Variants in MYO1D observed in about 807,000 individuals in gnomAD.
The protein encoded by MYO1D is unconventional myosin-Id.
In MYO1D, 83 loss-of-function variants were observed where a neutral mutation model predicts 122.0. The observed-to-expected ratio is 0.68, with a 90% CI of 0.57 to 0.82. The LOEUF is 0.82. Among genes scored for constraint, MYO1D ranks in the 40% least tolerant of loss-of-function variants. The probability of loss-of-function intolerance (pLI) is 0.00; values close to 1 mark genes in which losing one functional copy is unlikely to be tolerated. For synonymous variants in MYO1D, 464 were observed against 446.9 expected (o/e 1.04, Z -0.48); for missense variants, 1,157 against 1,269.5 (o/e 0.91, Z 1.35).
intron 1 of MYO1D, among the ~76,000 whole-genome samples, chr17:32,868,260 G>A (rs921885534): frequency 6.6e-6 from 1 of 152,134 alleles, no homozygotes; most frequent in Non-Finnish European, 1.5e-5. Flanking sequence ...ACCACCATAG[G>A]TATTTGACAC....
chr17:32,744,689 CT>C (rs2089812418), intron 13 of MYO1D, among the ~76,000 whole-genome samples: 1 of 152,202 alleles, frequency 6.6e-6, no homozygotes, highest in Non-Finnish European at 1.5e-5. Context: ...TGGATTTAAA[CT>C]TGTTATCATT....
At chr17:32,589,142 A>G (rs1161427497) in intron 21 of MYO1D, among the ~76,000 whole-genome samples, 3 of 152,238 alleles carry the variant, frequency 2.0e-5, no homozygotes, top group Non-Finnish European at 2.9e-5. Flanking sequence ...TTTAGGTCAC[A>G]CAAAATCAAC....
intron 1 of MYO1D, among the ~76,000 whole-genome samples, chr17:32,837,341 T>C (rs1365960153): frequency 6.7e-6 from 1 of 148,694 alleles, no homozygotes; most frequent in African/African-American, 2.5e-5. Flanking sequence ...TTGTCAAATC[T>C]TATATTATAT....
At chr17:32,693,384 T>TAAA (rs200326686) in intron 16 of MYO1D, among the ~76,000 whole-genome samples, 1 of 116,234 alleles carries the variant, frequency 8.6e-6, no homozygotes, top group African/African-American at 3.1e-5. Flanking sequence ...ACACCTCAAG[T>TAAA]AAAAAAAAAA....
chr17:32,525,544 C>T (rs1910313201), intron 21 of MYO1D, among the ~76,000 whole-genome samples: 1 of 151,770 alleles, frequency 6.6e-6, no homozygotes. Flanking sequence ...ATAACCTGCT[C>T]CTCGCTGGGG....
chr17:32,835,499 A>G (rs1056564736), intron 1 of MYO1D, among the ~76,000 whole-genome samples: 2 of 152,256 alleles, frequency 1.3e-5, no homozygotes, highest in Admixed American at 1.3e-4. Context: ...AATAACTTGA[A>G]TAAATGAATG....
intron 16 of MYO1D, among the ~76,000 whole-genome samples, chr17:32,705,545 G>A (rs1598025161): frequency 6.6e-6 from 1 of 152,208 alleles, no homozygotes; most frequent in African/African-American, 2.4e-5. Flanking sequence ...TTACAGGCAT[G>A]GGCCACCACA....
At chr17:32,855,653 A>C (rs1321373944) in intron 1 of MYO1D, among the ~76,000 whole-genome samples, 1 of 152,122 alleles carries the variant, frequency 6.6e-6, no homozygotes, top group Non-Finnish European at 1.5e-5. Flanking sequence ...TTATTTCTAC[A>C]CTGCAGAAGC....
intron 21 of MYO1D, among the ~76,000 whole-genome samples, chr17:32,563,592 G>A (rs904992148): frequency 1.3e-5 from 2 of 152,070 alleles, no homozygotes; most frequent in African/African-American, 4.8e-5. Flanking sequence ...TTCAGCACCT[G>A]CATCTTAACG....
chr17:32,597,886 A>AAG (rs1555629213), intron 21 of MYO1D, among the ~76,000 whole-genome samples: 12 of 150,422 alleles, frequency 8.0e-5, no homozygotes, highest in African/African-American at 3.0e-4. Context: ...AAAAAAAAAA[A>AAG]AAAAAAGAAA....
intron 1 of MYO1D, among the ~76,000 whole-genome samples, chr17:32,805,985 GCA>G (rs1246845785): frequency 6.6e-6 from 1 of 152,194 alleles, no homozygotes; most frequent in South Asian, 2.1e-4. Flanking sequence ...ATGGCCGGGT[GCA>G]GTGGCTCACG....
At chr17:32,679,710 T>C (rs2088879172) in intron 16 of MYO1D, among the ~76,000 whole-genome samples, 1 of 152,212 alleles carries the variant, frequency 6.6e-6, no homozygotes, top group Non-Finnish European at 1.5e-5. Context: ...TCCAGCTTTG[T>C]TCTTTTGGCT....
At chr17:32,672,021 T>A (rs2088728604) in intron 16 of MYO1D, among the ~76,000 whole-genome samples, 1 of 152,198 alleles carries the variant, frequency 6.6e-6, no homozygotes. Flanking sequence ...TGGCCCTGCA[T>A]AAGGAAACAA....
intron 1 of MYO1D, among the ~76,000 whole-genome samples, chr17:32,824,492 G>A (rs549508241): frequency 6.6e-6 from 1 of 152,318 alleles, no homozygotes; most frequent in African/African-American, 2.4e-5. Context: ...TTTGTCCAGA[G>A]TTTGGGGTTC....
At chr17:32,681,631 C>T (rs1360763861) in intron 16 of MYO1D, among the ~76,000 whole-genome samples, 3 of 152,060 alleles carry the variant, frequency 2.0e-5, no homozygotes, top group African/African-American at 4.8e-5. Context: ...TGTTATAATT[C>T]CTGTTCTTTT....
chr17:32,832,072 G>A (rs1169686666), intron 1 of MYO1D, among the ~76,000 whole-genome samples: 1 of 151,870 alleles, frequency 6.6e-6, no homozygotes, highest in African/African-American at 2.4e-5. Context: ...AGGCCACGAA[G>A]CGATACATTG....
At chr17:32,684,200 C>G (rs183097891) in intron 16 of MYO1D, 6 of 158,350 alleles carry the variant, frequency 3.8e-5, no homozygotes, top group Admixed American at 1.3e-4. Context: ...AGAAATCACC[C>G]GTGTTCTGCG....
At chr17:32,741,981 C>CTACA (rs1252770049) in intron 13 of MYO1D, among the ~76,000 whole-genome samples, 1 of 142,594 alleles carries the variant, frequency 7.0e-6, no homozygotes, top group Non-Finnish European at 1.5e-5. Context: ...CGCCACTGCA[C>CTACA]TACAGCCTGG....
chr17:32,532,618 C>G (rs1235298317), intron 21 of MYO1D, among the ~76,000 whole-genome samples: 8 of 147,776 alleles, frequency 5.4e-5, no homozygotes, highest in African/African-American at 1.8e-4. Flanking sequence ...CCCAGCTACT[C>G]GGGAGGCTGA....
Sources: gnomAD v4.1 joint callset for allele counts (sites outside exome capture counted in the v4.1 genomes callset) on GRCh38, gnomAD v4.1.1 for gene constraint, MANE v1.5 for transcripts, NCBI Gene and HGNC (gene_info 2026-07-23, HGNC 2026-07-21) for gene names.